Variants in PPP3CB observed in about 807,000 individuals in gnomAD.
PPP3CB encodes the protein protein phosphatase 3 catalytic subunit beta.
In PPP3CB, 8 loss-of-function variants were observed where a neutral mutation model predicts 66.4. The observed-to-expected ratio is 0.12, with a 90% confidence interval of 0.07 to 0.22. PPP3CB has a LOEUF of 0.22. PPP3CB is among the 10% of genes least tolerant of loss of function. The pLI, the probability that PPP3CB is intolerant of heterozygous loss-of-function variation, is 1.00. For missense variants in PPP3CB, 319 were observed against 642.5 expected, an observed-to-expected ratio of 0.50 and a Z score of 5.44; for synonymous variants, 208 against 221.2, an observed-to-expected ratio of 0.94 and a Z score of 0.53.
chr10:73,474,161 G>C (rs1425827129), intron 4 of PPP3CB, among the ~76,000 whole-genome samples: 4 of 151,990 alleles, frequency 2.6e-5, no homozygotes, highest in Non-Finnish European at 5.9e-5. Flanking sequence ...TCCTGCCTCA[G>C]CCTCCTGAGT....
At chr10:73,442,144 A>G (rs2056159834) in intron 12 of PPP3CB, among the ~76,000 whole-genome samples, 1 of 152,162 alleles carries the variant, frequency 6.6e-6, no homozygotes, top group Admixed American at 6.5e-5. Flanking sequence ...AAACCACACT[A>G]TCAAGAGCTA....
At chr10:73,444,278 G>A (rs1287530007) in intron 12 of PPP3CB, 1 of 239,432 alleles carries the variant, frequency 4.2e-6, no homozygotes, top group Non-Finnish European at 8.0e-6. Context: ...TCTAAATTAA[G>A]TAGTTTTAAA....
At chr10:73,471,345 A>C in intron 5 of PPP3CB, 123 bp downstream of exon 5, 1 of 1,346,936 alleles carries the variant, frequency 7.4e-7, no homozygotes. Context: ...TTTCCTTAAG[A>C]TATCAGTATA....
At chr10:73,446,897 C>G (rs2056266453) in intron 10 of PPP3CB, among the ~76,000 whole-genome samples, 1 of 152,138 alleles carries the variant, frequency 6.6e-6, no homozygotes. Context: ...GCATTACAAA[C>G]CAGAGGGCAA....
intron 11 of PPP3CB, 23 bp from the exon 12 acceptor site, chr10:73,444,845 A>G (rs748490725): frequency 6.2e-7 from 1 of 1,607,870 alleles, no homozygotes; most frequent in Admixed American, 1.7e-5. Context: ...GATATAACAA[A>G]TATCAGATAC....
intron 1 of PPP3CB, among the ~76,000 whole-genome samples, chr10:73,484,966 T>C (rs1589717251): frequency 6.6e-6 from 1 of 152,084 alleles, no homozygotes; most frequent in East Asian, 1.9e-4. Context: ...GGCAGGAGAA[T>C]TGCTTGAACC....
At chr10:73,471,935 G>T (rs2056708182) in intron 4 of PPP3CB, among the ~76,000 whole-genome samples, 1 of 151,964 alleles carries the variant, frequency 6.6e-6, no homozygotes, top group Non-Finnish European at 1.5e-5. Context: ...AGTGGTAGTG[G>T]GCAACTCTAT....
chr10:73,484,126 G>C (rs1274175376), intron 1 of PPP3CB, among the ~76,000 whole-genome samples: 4 of 151,162 alleles, frequency 2.6e-5, no homozygotes, highest in South Asian at 2.1e-4. Flanking sequence ...CTGGGCAATA[G>C]AGACTCTATC....
intron 9 of PPP3CB, among the ~76,000 whole-genome samples, chr10:73,459,801 G>C (rs988645901): frequency 9.9e-5 from 15 of 152,256 alleles, no homozygotes; most frequent in African/African-American, 3.4e-4. Flanking sequence ...GTTAGCAAGG[G>C]GGGTTAGGGG....
At chr10:73,463,554 T>C (rs1194290434) in intron 9 of PPP3CB, among the ~76,000 whole-genome samples, 2 of 152,230 alleles carry the variant, frequency 1.3e-5, no homozygotes, top group African/African-American at 2.4e-5. Flanking sequence ...AGTTCTCTTA[T>C]CTAGAATTCT....
At chr10:73,459,014 G>A (rs2056477009) in intron 9 of PPP3CB, among the ~76,000 whole-genome samples, 1 of 152,014 alleles carries the variant, frequency 6.6e-6, no homozygotes, top group African/African-American at 2.4e-5. Context: ...AGGTTGCGGT[G>A]AGCCGAGATC....
chr10:73,489,871 T>C (rs1278358618), intron 1 of PPP3CB, among the ~76,000 whole-genome samples: 1 of 152,168 alleles, frequency 6.6e-6, no homozygotes, highest in Admixed American at 6.6e-5. Context: ...CTAGCCCCAC[T>C]TTCTGGTGAA....
intron 12 of PPP3CB, among the ~76,000 whole-genome samples, chr10:73,443,070 T>C (rs2056175323): frequency 6.6e-6 from 1 of 151,224 alleles, no homozygotes; most frequent in Admixed American, 6.6e-5. Flanking sequence ...TGTGGTGGCA[T>C]GTGCCTATGG....
chr10:73,482,316 G>T (rs555150540), intron 1 of PPP3CB, among the ~76,000 whole-genome samples: 1 of 151,654 alleles, frequency 6.6e-6, no homozygotes, highest in East Asian at 2.0e-4. Flanking sequence ...AGGCCAAGAC[G>T]GGCAGATCAT....
At chr10:73,447,544 G>C (rs1002814096) in intron 10 of PPP3CB, among the ~76,000 whole-genome samples, 3 of 152,150 alleles carry the variant, frequency 2.0e-5, no homozygotes, top group African/African-American at 7.2e-5. Flanking sequence ...AGAAGGTTAA[G>C]GAAAGGCTAA....
At chr10:73,467,797 G>A in intron 8 of PPP3CB, 119 bp from the exon 9 acceptor site, 1 of 917,924 alleles carries the variant, frequency 1.1e-6, no homozygotes, top group Admixed American at 3.0e-5. Context: ...TCGGGGGTGA[G>A]TGGAATCAGG....
intron 9 of PPP3CB, among the ~76,000 whole-genome samples, chr10:73,461,724 G>A (rs185034474): frequency 3.3e-4 from 51 of 152,300 alleles, no homozygotes; most frequent in Middle Eastern, 6.8e-3. Context: ...CCATTGGCAG[G>A]AGATGATTAT....
intron 9 of PPP3CB, among the ~76,000 whole-genome samples, chr10:73,459,283 T>C (rs1220872508): frequency 1.3e-5 from 2 of 152,082 alleles, no homozygotes; most frequent in African/African-American, 4.8e-5. Flanking sequence ...GGTCAGGAGA[T>C]TGAGATCATC....
chr10:73,478,365 G>T, intron 3 of PPP3CB, 134 bp downstream of exon 3: 1 of 708,208 alleles, frequency 1.4e-6, no homozygotes, highest in Non-Finnish European at 2.3e-6. Flanking sequence ...ATAAATAGTA[G>T]CTTTTCATAA....
Sources: allele counts gnomAD v4.1 joint callset (sites outside exome capture counted in the v4.1 genomes callset), GRCh38; gene constraint gnomAD v4.1.1; transcripts MANE v1.5; gene names NCBI Gene and HGNC (gene_info 2026-07-23, HGNC 2026-07-21).